KIF26B: variants seen among roughly 807,000 people sequenced by gnomAD.
The protein encoded by KIF26B is kinesin-like protein KIF26B.
A neutral mutation model predicts 151.2 loss-of-function variants in KIF26B; 63 were observed. The observed-to-expected ratio is 0.42, with a 90% confidence interval of 0.34 to 0.51. The LOEUF (loss-of-function observed/expected upper bound fraction) is 0.51. Among genes scored for constraint, KIF26B ranks in the 20% least tolerant of loss-of-function variants. The pLI, the probability that KIF26B is intolerant of heterozygous loss-of-function variation, is 0.07. For missense variants in KIF26B, 2,813 were observed against 2,913.6 expected, an observed-to-expected ratio of 0.97 and a Z score of 0.79; for synonymous variants, 1,357 against 1,262.1, an observed-to-expected ratio of 1.08 and a Z score of -1.59.
intron 2 of KIF26B, among the ~76,000 whole-genome samples, chr1:245,311,804 C>T (rs2102982634): frequency 1.3e-5 from 2 of 152,046 alleles, no homozygotes; most frequent in Non-Finnish European, 2.9e-5. Context: ...GTGGCAGGCG[C>T]CTGTAATCTC....
intron 2 of KIF26B, among the ~76,000 whole-genome samples, chr1:245,331,129 G>A (rs754000144): frequency 2.0e-5 from 3 of 152,052 alleles, no homozygotes; most frequent in African/African-American, 4.8e-5. Flanking sequence ...CGTAGGGTAC[G>A]AAGGGCCTGG....
chr1:245,165,189 A>T (rs991175356), intron 2 of KIF26B, among the ~76,000 whole-genome samples: 1 of 151,786 alleles, frequency 6.6e-6, no homozygotes, highest in Non-Finnish European at 1.5e-5. Flanking sequence ...ACACAGACTG[A>T]ACTAGGGTAG....
At chr1:245,678,799 G>C (rs892424438) in intron 10 of KIF26B, among the ~76,000 whole-genome samples, 1 of 151,934 alleles carries the variant, frequency 6.6e-6, no homozygotes, top group African/African-American at 2.4e-5. Context: ...GGAGGCGGAG[G>C]TTGCCGTGAG....
chr1:245,504,440 T>C (rs1408201123), intron 4 of KIF26B, among the ~76,000 whole-genome samples: 1 of 137,828 alleles, frequency 7.3e-6, no homozygotes, highest in East Asian at 2.0e-4. Flanking sequence ...TCTTTCTTTT[T>C]CTTTTTTTTT....
chr1:245,626,823 C>A (rs2043729370), intron 9 of KIF26B, among the ~76,000 whole-genome samples: 1 of 152,196 alleles, frequency 6.6e-6, no homozygotes, highest in South Asian at 2.1e-4. Context: ...TGTCCCAAAG[C>A]ATTTCCCCTA....
At chr1:245,308,590 G>A (rs576776083) in intron 2 of KIF26B, among the ~76,000 whole-genome samples, 1 of 152,256 alleles carries the variant, frequency 6.6e-6, no homozygotes, top group South Asian at 2.1e-4. Flanking sequence ...AGAGTAGCCG[G>A]GCATGGTAGC....
At chr1:245,219,605 A>G (rs1669723392) in intron 2 of KIF26B, among the ~76,000 whole-genome samples, 1 of 152,060 alleles carries the variant, frequency 6.6e-6, no homozygotes, top group Admixed American at 6.5e-5. Context: ...GTGGTGGCAC[A>G]TGCATGTAGT....
At chr1:245,266,413 C>A (rs1239172762) in intron 2 of KIF26B, among the ~76,000 whole-genome samples, 1 of 152,174 alleles carries the variant, frequency 6.6e-6, no homozygotes, top group Non-Finnish European at 1.5e-5. Flanking sequence ...TTCTGCCATT[C>A]CACTCCCAGG....
rs778627572 is a variant in KIF26B, at chr1:245,687,466, G to A, written c.4483G>A (p.Gly1495Arg). The A allele has an allele frequency of 8.2e-6, 13 of 1,586,980 alleles. No individual in the cohort carries two copies. The East Asian group carries it at 2.1e-4, about 25-fold the overall frequency. Reference protein sequence around the residue: ...SPGDRLSSSSGEVSASPVTDN... With the variant: ...SPGDRLSSSSREVSASPVTDN... Reference sequence around the variant, plus strand: ...GGGAGACAGGCTCAGCAGCAGCAGCGGAGAGGTGTCGGCCTCCCCGGTCAC... The same window carrying A: ...GGGAGACAGGCTCAGCAGCAGCAGCAGAGAGGTGTCGGCCTCCCCGGTCAC... The change falls in exon 12 of 15, where the codon GGA (glycine) becomes AGA (arginine). Residue 1495 changes from glycine (G) to arginine (R), a missense_variant. Around this residue, in one of 3 missense-constraint regions of KIF26B, gnomAD observed 2,060 missense variants for 2,088.6 expected, o/e 0.99. Coordinates refer to ENST00000407071, the MANE Select transcript of KIF26B (RefSeq NM_018012.4). This position sits in a 1 kb window ranked among gnomAD's most constrained non-coding sequence, Gnocchi z 4.9.
intron 2 of KIF26B, among the ~76,000 whole-genome samples, chr1:245,350,658 T>C (rs1308320279): frequency 1.3e-5 from 2 of 152,080 alleles, no homozygotes; most frequent in Non-Finnish European, 2.9e-5. Flanking sequence ...TGGGGGTACT[T>C]TCCATTTTAT....
At chr1:245,313,124 A>T (rs1362386566) in intron 2 of KIF26B, among the ~76,000 whole-genome samples, 1 of 152,178 alleles carries the variant, frequency 6.6e-6, no homozygotes, top group Non-Finnish European at 1.5e-5. Flanking sequence ...ATGACACTGC[A>T]CTTCAGCCTC....
In KIF26B at chr1:245,211,020, T is replaced by C. The variant is rs538193184; in HGVS notation, c.465+54337T>C. Among the ~76,000 whole-genome samples the C allele has an allele frequency of 2.0e-5, 3 of 152,164 alleles. No individual in the cohort carries two copies. In the East Asian group the frequency reaches 5.8e-4, roughly 29 times the overall value. On this transcript the variant is annotated intron_variant, in intron 2 of 14. Transcript: ENST00000407071. ...AATATATCCCTCAGGAGTATGGCGG[T>C]TTTTAAGCTCACACCAAGGGAATGC...
At chr1:245,666,466 T>C (rs948244118) in intron 10 of KIF26B, among the ~76,000 whole-genome samples, 2 of 152,162 alleles carry the variant, frequency 1.3e-5, no homozygotes, top group African/African-American at 4.8e-5. Flanking sequence ...GAGCAACTGG[T>C]CAGCCGAATT....
intron 9 of KIF26B, among the ~76,000 whole-genome samples, chr1:245,613,098 G>A (rs113511891): frequency 0.011 from 1,709 of 152,260 alleles, 36 homozygotes; most frequent in African/African-American, 0.039. Context: ...AGTGGCTTCC[G>A]TGGTTCCTCC....
chr1:245,484,706 C>CCTT (rs10626727), intron 4 of KIF26B, among the ~76,000 whole-genome samples: 103,426 of 150,508 alleles, frequency 0.69, 36,656 homozygotes, highest in Admixed American at 0.76. Context: ...TTCTCCTTCT[C>CCTT]CTTCTTCTTT....
intron 2 of KIF26B, among the ~76,000 whole-genome samples, chr1:245,342,253 G>A (rs1672350183): frequency 6.6e-6 from 1 of 152,232 alleles, no homozygotes; most frequent in Non-Finnish European, 1.5e-5. Context: ...TGCCTTCAGT[G>A]AGTTTTTATT....
intron 10 of KIF26B, among the ~76,000 whole-genome samples, chr1:245,662,569 CCCTATATATATAT>C (rs2044163022): frequency 1.0e-5 from 1 of 95,262 alleles, no homozygotes; most frequent in African/African-American, 4.3e-5. Flanking sequence ...TATACACACA[CCCTATATATATAT>C]ACACCCAATG....
intron 4 of KIF26B, among the ~76,000 whole-genome samples, chr1:245,533,837 A>G (rs924684104): frequency 6.6e-6 from 1 of 152,082 alleles, no homozygotes; most frequent in Admixed American, 6.5e-5. Flanking sequence ...AATCTACATA[A>G]TTGAGACCTA....
chr1:245,169,058 C>T (rs772584931), intron 2 of KIF26B, among the ~76,000 whole-genome samples: 6 of 152,070 alleles, frequency 3.9e-5, no homozygotes, highest in Non-Finnish European at 7.4e-5. Flanking sequence ...TAGTCCAGAG[C>T]GCGTGATGGC....
Sources: gnomAD v4.1 joint callset for allele counts (sites outside exome capture counted in the v4.1 genomes callset) on GRCh38, gnomAD v4.1.1 for gene constraint, gnomAD v4.1.1 regional missense constraint, Gnocchi (gnomAD v3.1) non-coding constraint, MANE v1.5 for transcripts, NCBI Gene and HGNC (gene_info 2026-07-23, HGNC 2026-07-21) for gene names.